Variants in AKAP13 observed in about 807,000 individuals in gnomAD.
The protein encoded by AKAP13 is A-kinase anchor protein 13.
A neutral mutation model predicts 264.5 loss-of-function variants in AKAP13; 80 were observed. The ratio of observed to expected loss-of-function variants is 0.30; its 90% confidence interval spans 0.25 to 0.36. The LOEUF (loss-of-function observed/expected upper bound fraction) is 0.36. AKAP13 is among the 10% of genes least tolerant of loss of function. The pLI, the probability that AKAP13 is intolerant of heterozygous loss-of-function variation, is 1.00. For missense variants in AKAP13, 3,712 were observed against 3,435.2 expected (o/e 1.08, Z -2.01); for synonymous variants, 1,380 against 1,250.2 (o/e 1.10, Z -2.19).
intron 5 of AKAP13, among the ~76,000 whole-genome samples, chr15:85,557,340 A>C (rs2078186675): frequency 6.6e-6 from 1 of 152,178 alleles, no homozygotes; most frequent in Non-Finnish European, 1.5e-5. Flanking sequence ...GCTCTGAAAA[A>C]CTGAATACAG....
In AKAP13 at chr15:85,612,310, T is replaced by G. The variant is rs576468677; in HGVS notation, c.4161+26487T>G. Among the ~76,000 whole-genome samples, 15 of 152,350 alleles carry G rather than the reference T, an allele frequency of 9.8e-5. No homozygotes were observed. In the East Asian group the frequency reaches 2.9e-3, roughly 29 times the overall value. On this transcript the variant is annotated intron_variant, in intron 8 of 36. Transcript: ENST00000394518. ...TATGCTTTGAATAGGTGCAGTTTATTATGTGTAAATTATACTTTAGTAAAC... is the reference window on the plus strand; with the variant it reads ...TATGCTTTGAATAGGTGCAGTTTATGATGTGTAAATTATACTTTAGTAAAC...
At chr15:85,476,328 T>G (rs1410513694) in intron 1 of AKAP13, among the ~76,000 whole-genome samples, 3 of 152,156 alleles carry the variant, frequency 2.0e-5, no homozygotes, top group Non-Finnish European at 4.4e-5. Flanking sequence ...AATGGTATGT[T>G]TAATAGAGTA....
Position 85,487,968 on chromosome 15 carries a change from A to G in AKAP13, c.33+2215A>G, listed in dbSNP as rs562387246. 1.6e-3 allele frequency among the ~76,000 whole-genome samples: 245 copies of G among 152,090 alleles called. 4 individuals are homozygous for G. Among genetic ancestry groups the G allele is most frequent in the Non-Finnish European group, 5.9e-4 (40 of 67,986 alleles). On this transcript the variant is annotated intron_variant, in intron 2 of 36. Coordinates refer to ENST00000394518, the MANE Select transcript of AKAP13 (RefSeq NM_007200.5). The stretch of plus-strand genomic sequence containing the variant: ...GCTGGAGTGCAGTGGCGCGACCATG[A>G]CTCACTGTAGCTGCGATCTCCCAGG...
rs764451045 is a variant in AKAP13 at position 85,723,266 on chromosome 15, A to C, written c.6691A>C (p.Lys2231Gln). The change falls in exon 26 of 37, where the codon AAG becomes CAG. Residue 2231 changes from lysine to glutamine, a missense_variant. Lys to Gln is a moderately conservative substitution (Grantham distance 53, BLOSUM62 1). Coordinates refer to ENST00000394518, the MANE Select transcript of AKAP13 (RefSeq NM_007200.5). ...TGCCAAGGAAGATTTGAAACGGAAGAAGCTTGTACGTGATGGGAGTGTGTT... is the reference window on the plus strand; with the variant it reads ...TGCCAAGGAAGATTTGAAACGGAAGCAGCTTGTACGTGATGGGAGTGTGTT... The part of the protein sequence containing the change: ...MFAKEDLKRK[K>Q]LVRDGSVFLK... The C allele has an allele frequency of 6.2e-7, 1 of 1,614,152 alleles. No individual in the cohort carries two copies. Among genetic ancestry groups the C allele is most frequent in the Admixed American group, 1.7e-5 (1 of 60,020 alleles).
intron 1 of AKAP13, among the ~76,000 whole-genome samples, chr15:85,446,233 A>G (rs1368055339): frequency 1.3e-5 from 2 of 152,348 alleles, no homozygotes; most frequent in East Asian, 3.9e-4. Context: ...ATAACGTGGA[A>G]GATAGTTATG....
chr15:85,627,237 G>A (rs1198251973), intron 8 of AKAP13, among the ~76,000 whole-genome samples: 2 of 152,098 alleles, frequency 1.3e-5, no homozygotes, highest in Non-Finnish European at 2.9e-5. Flanking sequence ...CCATTTGCAG[G>A]ACATATTGTT....
intron 26 of AKAP13, among the ~76,000 whole-genome samples, chr15:85,723,817 A>G (rs1234940093): frequency 1.3e-5 from 2 of 152,238 alleles, no homozygotes; most frequent in Non-Finnish European, 2.9e-5. Flanking sequence ...ACCCACATCA[A>G]TTAGATTTTT....
chr15:85,611,479 A>G lies in AKAP13; in HGVS notation c.4161+25656A>G, dbSNP rs555756385. ...TTCTGCTCCCACCCCAATGCCCAATATCCTGTTAATGTTAAATATTTTTGG... is the reference window on the plus strand; with the variant it reads ...TTCTGCTCCCACCCCAATGCCCAATGTCCTGTTAATGTTAAATATTTTTGG... On this transcript the variant is annotated intron_variant, in intron 8 of 36. Coordinates refer to ENST00000394518, the MANE Select transcript of AKAP13 (RefSeq NM_007200.5). Among the ~76,000 whole-genome samples the G allele has an allele frequency of 2.6e-5, 4 of 152,126 alleles. No homozygotes were observed. In the East Asian group the frequency reaches 7.7e-4, roughly 29 times the overall value.
intron 8 of AKAP13, among the ~76,000 whole-genome samples, chr15:85,627,210 TC>T (rs922679569): frequency 1.4e-4 from 21 of 152,186 alleles, no homozygotes. Flanking sequence ...CTCTCAAGCT[TC>T]CGAAACCTTG....
chr15:85,684,999 A>G (rs563037934), intron 16 of AKAP13, 126 bp downstream of exon 16: 19 of 1,192,656 alleles, frequency 1.6e-5, no homozygotes, highest in Non-Finnish European at 2.2e-5. Context: ...ACTCTCCGAA[A>G]TCGCCTAATA....
At chr15:85,527,761 A>G (rs1285283772) in intron 3 of AKAP13, among the ~76,000 whole-genome samples, 1 of 152,252 alleles carries the variant, frequency 6.6e-6, no homozygotes, top group Non-Finnish European at 1.5e-5. Flanking sequence ...ACTTCTGCAC[A>G]TAATCCTATT....
At chr15:85,605,304 TAGAA>T (rs1410321686) in intron 8 of AKAP13, among the ~76,000 whole-genome samples, 3 of 152,298 alleles carry the variant, frequency 2.0e-5, no homozygotes, top group East Asian at 1.9e-4. Flanking sequence ...TTTGCACACT[TAGAA>T]AGGGTCTTTT....
At chr15:85,462,639 T>C (rs898339738) in intron 1 of AKAP13, among the ~76,000 whole-genome samples, 4 of 152,194 alleles carry the variant, frequency 2.6e-5, no homozygotes, top group Non-Finnish European at 4.4e-5. Flanking sequence ...GCAGCTGTTA[T>C]TACTATACTC....
intron 20 of AKAP13, among the ~76,000 whole-genome samples, chr15:85,716,149 G>A (rs1468611899): frequency 2.6e-5 from 4 of 151,984 alleles, no homozygotes; most frequent in African/African-American, 9.7e-5. Flanking sequence ...GTTGCTGTAG[G>A]CTTTTTGTAT....
rs750404650 is a variant in AKAP13 at position 85,655,635 on chromosome 15, C to G, written c.4593C>G (p.Gly1531=). ...GTGAGAGTGAGCCTGCTGACCCAGG[C>G]GACGTGGAGGAGGAGGAGATGGACA... The part of the protein sequence containing the change: ...RESESEPADP[G]DVEEEEMDSI... Residue 1531 remains glycine (G), a synonymous_variant, in exon 11 of 37, where the codon GGC becomes GGG. Transcript: ENST00000394518. The G allele has an allele frequency of 2.7e-5, 44 of 1,614,042 alleles. 1 individual carries two copies. In the Middle Eastern group the frequency reaches 6.6e-4, roughly 24 times the overall value.
At chr15:85,438,663 G>A (rs898005973) in intron 1 of AKAP13, among the ~76,000 whole-genome samples, 1 of 149,858 alleles carries the variant, frequency 6.7e-6, no homozygotes, top group African/African-American at 2.5e-5. Context: ...AAATAACGCC[G>A]CATATATACA....
Position 85,579,530 on chromosome 15 carries a change from A to G in AKAP13, c.1462A>G (p.Asn488Asp), listed in dbSNP as rs1256266211. The G allele has an allele frequency of 6.2e-7, 1 of 1,614,100 alleles. No homozygotes were observed. Among genetic ancestry groups the G allele is most frequent in the African/African-American group, 1.3e-5 (1 of 74,940 alleles). The part of the protein sequence containing the change: ...TAGEMEHGLM[N>D]PDATVWKNVL... ...AGGGGAAATGGAACATGGGCTCATG[A>G]ACCCAGATGCCACTGTTTGGAAGAA... Residue 488 changes from asparagine to aspartate, a missense_variant, in exon 7 of 37, where the codon AAC (asparagine) becomes GAC (aspartate). Transcript: ENST00000394518.
At chr15:85,529,065 A>G (rs2077169592) in intron 3 of AKAP13, among the ~76,000 whole-genome samples, 1 of 152,190 alleles carries the variant, frequency 6.6e-6, no homozygotes, top group Non-Finnish European at 1.5e-5. Flanking sequence ...GATTGTGGTT[A>G]TTATATCAAA....
chr15:85,606,542 ACAAC>A (rs2080352441), intron 8 of AKAP13, among the ~76,000 whole-genome samples: 1 of 152,226 alleles, frequency 6.6e-6, no homozygotes, highest in African/African-American at 2.4e-5. Context: ...CGAGACTTGT[ACAAC>A]AGGCCCCTAC....
Sources: gnomAD v4.1 joint callset for allele counts (sites outside exome capture counted in the v4.1 genomes callset) on GRCh38, gnomAD v4.1.1 for gene constraint, MANE v1.5 for transcripts, NCBI Gene and HGNC (gene_info 2026-07-23, HGNC 2026-07-21) for gene names.